The following SFXN1 variants were observed in gnomAD, a reference collection of about 807,000 sequenced individuals.
SFXN1 encodes the protein sideroflexin 1.
In SFXN1, 32 loss-of-function variants were observed where a neutral mutation model predicts 39.5. The ratio of observed to expected loss-of-function variants is 0.81; its 90% CI spans 0.61 to 1.09. SFXN1 has a LOEUF of 1.09. SFXN1 is among the 50% of genes least tolerant of loss of function. The pLI, the probability that SFXN1 is intolerant of heterozygous loss-of-function variation, is 0.00. For synonymous variants in SFXN1, 136 were observed against 146.5 expected (o/e 0.93, Z 0.52); for missense variants, 402 against 407.1 (o/e 0.99, Z 0.11).
rs1166829413 is a variant in SFXN1 at position 175,492,283 on chromosome 5, G to GT, written c.164+22dup. The stretch of plus-strand genomic sequence containing the variant: ...ATGATTACAGGTAACATTAATTATT[G>GT]TTTTTTGGTTTAATGTATAAATAGA... On this transcript the variant is annotated intron_variant, in intron 2 of 10. Coordinates refer to ENST00000321442, the MANE Select transcript of SFXN1 (RefSeq NM_022754.7). 2 of 1,578,394 alleles carry GT rather than the reference G, an allele frequency of 1.3e-6. No homozygotes were observed. Among genetic ancestry groups the GT allele is most frequent in the Non-Finnish European group, 1.7e-6 (2 of 1,164,780 alleles).
At chr5:175,491,499 T>C (rs961429154) in intron 1 of SFXN1, 43 of 151,598 alleles carry the variant, frequency 2.8e-4, no homozygotes, top group Non-Finnish European at 5.3e-4. Flanking sequence ...TTTAGAGGCA[T>C]GGTCTTGCTT....
intron 2 of SFXN1, among the ~76,000 whole-genome samples, chr5:175,508,052 C>T (rs928862608): frequency 2.0e-5 from 3 of 151,524 alleles, no homozygotes; most frequent in Non-Finnish European, 2.9e-5. Flanking sequence ...TCCTTGATTA[C>T]CATAACTTTT....
intron 2 of SFXN1, among the ~76,000 whole-genome samples, chr5:175,500,748 G>A (rs902295446): frequency 2.0e-5 from 3 of 152,150 alleles, no homozygotes; most frequent in African/African-American, 7.2e-5. Flanking sequence ...TCGTAGTAAC[G>A]ACAGTTTAGC....
At chr5:175,506,286 G>T (rs547183519) in intron 2 of SFXN1, among the ~76,000 whole-genome samples, 22 of 152,208 alleles carry the variant, frequency 1.4e-4, no homozygotes, top group African/African-American at 5.1e-4. Flanking sequence ...CAGGACAGCA[G>T]ATAACACAAC....
At chr5:175,520,908 A>C (rs1379874630) in intron 8 of SFXN1, among the ~76,000 whole-genome samples, 2 of 152,044 alleles carry the variant, frequency 1.3e-5, no homozygotes, top group Non-Finnish European at 2.9e-5. Context: ...TAACCTGTGA[A>C]GACTAGTTTC....
At position 175,529,408 on chromosome 5, in the gene SFXN1, T is replaced by C. The variant is rs1271987250; in HGVS notation, c.*2674T>C. 6.6e-6 allele frequency: 1 copy of C among 152,232 alleles called. No individual in the cohort carries two copies. The highest frequency in any genetic ancestry group is 6.5e-5 in the Admixed American group (1 of 15,282). The allele number at this position is 152,232 out of a possible 1,614,324, so 9.4% of individuals were successfully genotyped here. A position where few individuals can be genotyped will look rare whatever the true frequency, so the allele number is the denominator to read the frequency against. The stretch of plus-strand genomic sequence containing the variant: ...CTGCATCTTTTTAAACGTTGTTTTT[T>C]GATGCTTCAGACTCTTAATGCTTTT... On this transcript the variant is annotated 3_prime_UTR_variant, in exon 11 of 11. Coordinates refer to ENST00000321442, the MANE Select transcript of SFXN1 (RefSeq NM_022754.7).
At chr5:175,512,460 C>T (rs1760555592) in intron 6 of SFXN1, among the ~76,000 whole-genome samples, 1 of 152,084 alleles carries the variant, frequency 6.6e-6, no homozygotes. Flanking sequence ...CTTTCTATGT[C>T]CGTATAATAA....
At chr5:175,484,268 C>T (rs1759365256) in intron 1 of SFXN1, 1 of 152,322 alleles carries the variant, frequency 6.6e-6, no homozygotes, top group African/African-American at 2.4e-5. Context: ...ACCTTCCAGA[C>T]AAGCCCAGGG....
At chr5:175,480,777 T>G (rs1326327930) in intron 1 of SFXN1, among the ~76,000 whole-genome samples, 1 of 152,230 alleles carries the variant, frequency 6.6e-6, no homozygotes, top group African/African-American at 2.4e-5. Flanking sequence ...TCTGGAAGAC[T>G]TACGTTGAAG....
chr5:175,484,528 G>A (rs935972178), intron 1 of SFXN1, among the ~76,000 whole-genome samples: 1 of 152,218 alleles, frequency 6.6e-6, no homozygotes. Flanking sequence ...CAAGTGGCCC[G>A]GCCAGCCCTG....
At chr5:175,510,061 C>T (rs6895398) in intron 3 of SFXN1, 48 bp from the exon 4 acceptor site, 9 of 1,512,372 alleles carry the variant, frequency 6.0e-6, no homozygotes, top group Middle Eastern at 1.7e-4. Flanking sequence ...TTCCATGCCG[C>T]GGCTGGGCCC....
At chr5:175,522,791 T>C (rs1760922862) in intron 10 of SFXN1, 2 of 178,256 alleles carry the variant, frequency 1.1e-5, no homozygotes, top group South Asian at 2.9e-4. Context: ...ACAGCAATTA[T>C]ATGCACTTAG....
chr5:175,480,218 G>A (rs1255576108), intron 1 of SFXN1, among the ~76,000 whole-genome samples: 2 of 152,154 alleles, frequency 1.3e-5, no homozygotes, highest in South Asian at 2.1e-4. Flanking sequence ...TGGCTAAGCC[G>A]GTGAAACCCC....
At chr5:175,494,564 A>G (rs1759784803) in intron 2 of SFXN1, among the ~76,000 whole-genome samples, 1 of 152,130 alleles carries the variant, frequency 6.6e-6, no homozygotes, top group Non-Finnish European at 1.5e-5. Flanking sequence ...CCTGGCCGAC[A>G]TGGTAAAACC....
chr5:175,497,961 A>G (rs1367737380), intron 2 of SFXN1, among the ~76,000 whole-genome samples: 1 of 151,346 alleles, frequency 6.6e-6, no homozygotes, highest in African/African-American at 2.4e-5. Flanking sequence ...AAAAACCACA[A>G]TTGTAGTAGG....
rs1385337365 is a variant in SFXN1, at chr5:175,526,814, C to G, written c.*80C>G. 2 of 1,158,926 alleles carry G rather than the reference C, an allele frequency of 1.7e-6. No homozygotes were observed. The allele number at this position is 1,158,926 out of a possible 1,614,324, so 71.8% of individuals were successfully genotyped here. ...TGCTGGTGAGAAAAATCCTGTTCAA[C>G]CTGGGTTCTCCCAGTTACGGAAACC... On this transcript the variant is annotated 3_prime_UTR_variant, in exon 11 of 11. Transcript: ENST00000321442.
chr5:175,494,962 A>G (rs141950060), intron 2 of SFXN1, among the ~76,000 whole-genome samples: 131 of 152,306 alleles, frequency 8.6e-4, no homozygotes, highest in Non-Finnish European at 1.3e-3. Context: ...AAATGAAAGC[A>G]AGAACTCGAA....
At position 175,527,920 on chromosome 5, in the gene SFXN1, T is replaced by A; in HGVS notation, c.*1186T>A. The A allele has an allele frequency of 6.8e-6, 1 of 147,836 alleles. No homozygotes were observed. Among genetic ancestry groups the A allele is most frequent in the Non-Finnish European group, 1.5e-5 (1 of 67,204 alleles). The allele number at this position is 147,836 out of a possible 1,614,324, so 9.2% of individuals were successfully genotyped here. ...CAACCAAGTTTGGATGGAAAATTTT[T>A]TTTTTTTTTTTTTTTTTGAGACGGA... On this transcript the variant is annotated 3_prime_UTR_variant, in exon 11 of 11. Coordinates refer to ENST00000321442, the MANE Select transcript of SFXN1 (RefSeq NM_022754.7).
intron 7 of SFXN1, among the ~76,000 whole-genome samples, chr5:175,514,248 G>C (rs950455556): frequency 5.9e-5 from 9 of 152,160 alleles, no homozygotes; most frequent in Admixed American, 4.6e-4. Flanking sequence ...TTGACCAGAA[G>C]GAACTGATGG....
Sources: allele counts gnomAD v4.1 joint callset (sites outside exome capture counted in the v4.1 genomes callset), GRCh38; gene constraint gnomAD v4.1.1; transcripts MANE v1.5; gene names NCBI Gene and HGNC (gene_info 2026-07-23, HGNC 2026-07-21).